The following ATP10B variants were observed in gnomAD, a reference collection of about 807,000 sequenced individuals.
The protein encoded by ATP10B is ATPase phospholipid transporting 10B (putative), also known as phospholipid-transporting ATPase VB.
A neutral mutation model predicts 141.2 loss-of-function variants in ATP10B; 122 were observed. The observed-to-expected ratio is 0.86, with a 90% confidence interval of 0.75 to 1.00. The LOEUF (loss-of-function observed/expected upper bound fraction) is 1.00. Ranked by LOEUF, ATP10B falls within the 50% of genes least tolerant of loss-of-function variation. The pLI, the probability that ATP10B is intolerant of heterozygous loss-of-function variation, is 0.00. For missense variants in ATP10B, 1,876 were observed against 1,825.3 expected, an observed-to-expected ratio of 1.03 and a Z score of -0.51; for synonymous variants, 685 against 692.0, an observed-to-expected ratio of 0.99 and a Z score of 0.16.
At chr5:160,733,672 T>C (rs1766901378) in intron 2 of ATP10B, among the ~76,000 whole-genome samples, 1 of 34,998 alleles carries the variant, frequency 2.9e-5, no homozygotes, top group Non-Finnish European at 5.1e-5. Context: ...ACGTTATATA[T>C]ATATATATAT....
chr5:160,571,016 G>T (rs976512782), intron 24 of ATP10B, among the ~76,000 whole-genome samples: 9 of 151,544 alleles, frequency 5.9e-5, no homozygotes, highest in African/African-American at 2.2e-4. Flanking sequence ...ACTTTTTTTT[G>T]TCTTTTTGAT....
intron 1 of ATP10B, among the ~76,000 whole-genome samples, chr5:160,824,609 T>C (rs903088207): frequency 4.6e-5 from 7 of 152,346 alleles, no homozygotes; most frequent in African/African-American, 4.8e-5. Context: ...GTATATGATA[T>C]AGCCTATTGC....
intron 3 of ATP10B, among the ~76,000 whole-genome samples, chr5:160,695,381 A>G (rs909407445): frequency 1.3e-5 from 2 of 152,180 alleles, no homozygotes; most frequent in Admixed American, 6.6e-5. Flanking sequence ...TGAGCACATT[A>G]CAGAGGGATG....
chr5:160,925,626 C>T, the ATP10B span, among the ~76,000 whole-genome samples: 71,027 of 152,100 alleles, frequency 0.47, 17,000 homozygotes, highest in Non-Finnish European at 0.52. Context: ...ATTAATTCCT[C>T]GCATGGGATA....
chr5:160,565,232 A>C lies in ATP10B; in HGVS notation c.*221T>G, dbSNP rs541159897. ...AGCCTCCTTCTCCAAACTGTTTGCA[A>C]GATGTGCTGCCTGAGAGCAGCAGAA... is the stretch of plus-strand genomic sequence containing the variant. On this transcript the variant is annotated 3_prime_UTR_variant, in exon 26 of 26. Transcript: ENST00000327245. 9 of 570,594 alleles carry C rather than the reference A, an allele frequency of 1.6e-5. No homozygotes were observed. The highest frequency in any genetic ancestry group is 1.3e-4 in the African/African-American group (7 of 53,532). 35.3% of individuals were successfully genotyped at this position (570,594 alleles called of 1,614,324 possible). A position where few individuals can be genotyped will look rare whatever the true frequency, so the allele number is the denominator to read the frequency against.
intron 2 of ATP10B, among the ~76,000 whole-genome samples, chr5:160,748,100 C>G (rs1209988946): frequency 1.3e-5 from 2 of 151,794 alleles, no homozygotes; most frequent in South Asian, 2.1e-4. Flanking sequence ...GGCACAGTTG[C>G]CAGGCTTCCA....
At chr5:160,598,039 T>C (rs1224113242) in intron 22 of ATP10B, among the ~76,000 whole-genome samples, 1 of 59,552 alleles carries the variant, frequency 1.7e-5, no homozygotes, top group African/African-American at 4.6e-5. Context: ...CCATCCTGGG[T>C]ATATACCCAA....
intron 22 of ATP10B, among the ~76,000 whole-genome samples, chr5:160,594,436 G>A (rs544428664): frequency 3.3e-5 from 5 of 152,218 alleles, no homozygotes; most frequent in African/African-American, 7.2e-5. Flanking sequence ...GCAAAATCAC[G>A]CCAAATTGTA....
At chr5:160,697,142 A>G (rs1169604277) in intron 3 of ATP10B, among the ~76,000 whole-genome samples, 1 of 152,208 alleles carries the variant, frequency 6.6e-6, no homozygotes, top group Non-Finnish European at 1.5e-5. Flanking sequence ...ATTTACTTAC[A>G]CTCACAAAGT....
At chr5:160,581,152 A>T (rs1174401800) in intron 24 of ATP10B, among the ~76,000 whole-genome samples, 1 of 152,080 alleles carries the variant, frequency 6.6e-6, no homozygotes, top group African/African-American at 2.4e-5. Flanking sequence ...TATCTCCTTC[A>T]GTTCTGCTCT....
chr5:160,884,931 G>T, the ATP10B span, among the ~76,000 whole-genome samples: 1 of 152,138 alleles, frequency 6.6e-6, no homozygotes, highest in Non-Finnish European at 1.5e-5. Flanking sequence ...GCATGTTTTG[G>T]TTGGGCAGAA....
intron 1 of ATP10B, among the ~76,000 whole-genome samples, chr5:160,815,000 A>T (rs1042801162): frequency 2.0e-5 from 3 of 152,210 alleles, no homozygotes; most frequent in African/African-American, 7.2e-5. Flanking sequence ...AAACATGGAA[A>T]GGAAAAACTG....
intron 18 of ATP10B, among the ~76,000 whole-genome samples, chr5:160,610,297 G>A (rs755116827): frequency 3.9e-5 from 6 of 152,162 alleles, no homozygotes; most frequent in Admixed American, 6.5e-5. Context: ...CAGTCCTGTG[G>A]AGAGGCCCAC....
At position 160,653,637 on chromosome 5, in the gene ATP10B, TAC is replaced by T. The variant is rs1561705467; in HGVS notation, c.676-4383_676-4382del. On this transcript the variant is annotated intron_variant, in intron 7 of 25. Transcript: ENST00000327245. ...TACATATATATTATATATACATATA[TAC>T]ATATATATTATATATACATATATAC... is the stretch of plus-strand genomic sequence containing the variant. Among the ~76,000 whole-genome samples the T allele has an allele frequency of 7.9e-4, 69 of 87,574 alleles. 2 individuals are homozygous for T. The highest frequency in any genetic ancestry group is 3.0e-3 in the African/African-American group (66 of 21,988). The allele number at this position is 87,574 out of a possible 152,430, so 57.5% of individuals were successfully genotyped here. A position where few individuals can be genotyped will look rare whatever the true frequency, so the allele number is the denominator to read the frequency against.
intron 7 of ATP10B, among the ~76,000 whole-genome samples, chr5:160,652,549 C>T (rs926666073): frequency 2.1e-5 from 3 of 145,294 alleles, no homozygotes; most frequent in Non-Finnish European, 4.5e-5. Context: ...GCCTCGACTT[C>T]CCGGGTTCAA....
chr5:160,794,792 T>G (rs907035067), intron 1 of ATP10B, among the ~76,000 whole-genome samples: 1 of 152,222 alleles, frequency 6.6e-6, no homozygotes, highest in East Asian at 1.9e-4. Context: ...CCTTTTCTTA[T>G]TCCTCTACTT....
At chr5:160,917,597 T>A in the ATP10B span, among the ~76,000 whole-genome samples, 13 of 152,096 alleles carry the variant, frequency 8.5e-5, no homozygotes, top group African/African-American at 3.1e-4. Context: ...ACCTAGAAGA[T>A]CTTTACAATC....
At chr5:160,621,979 C>T (rs1201671054) in intron 14 of ATP10B, among the ~76,000 whole-genome samples, 3 of 152,174 alleles carry the variant, frequency 2.0e-5, no homozygotes, top group African/African-American at 2.4e-5. Flanking sequence ...TCCTTCATTA[C>T]CTTGAGTTTT....
At position 160,602,558 on chromosome 5, in the gene ATP10B, G is replaced by C; in HGVS notation, c.3363+19C>G. The C allele has an allele frequency of 6.2e-7, 1 of 1,613,308 alleles. No individual in the cohort carries two copies. Among genetic ancestry groups the C allele is most frequent in the Non-Finnish European group, 8.5e-7 (1 of 1,179,518 alleles). On this transcript the variant is annotated intron_variant, in intron 21 of 25. Transcript: ENST00000327245. ...GGCCTGCCAAAGCCCTGGGTGAGAG[G>C]ACGCCATAGGCTACTTACCACGTTC...
Sources: allele counts gnomAD v4.1 joint callset (sites outside exome capture counted in the v4.1 genomes callset), GRCh38; gene constraint gnomAD v4.1.1; transcripts MANE v1.5; gene names NCBI Gene and HGNC (gene_info 2026-07-23, HGNC 2026-07-21).